Variants in COL14A1 observed in about 807,000 individuals in gnomAD.
COL14A1 encodes the protein collagen alpha-1(XIV) chain.
In COL14A1, 136 loss-of-function variants were observed where a neutral mutation model predicts 230.3. That is an observed-to-expected ratio of 0.59 (90% CI 0.51 to 0.68). The LOEUF is 0.68. Ranked by LOEUF, COL14A1 falls within the 30% of genes least tolerant of loss-of-function variation. COL14A1 has a pLI of 0.00. For synonymous variants in COL14A1, 792 were observed against 784.1 expected, an observed-to-expected ratio of 1.01 and a Z score of -0.17; for missense variants, 1,976 against 2,215.8, an observed-to-expected ratio of 0.89 and a Z score of 2.17.
chr8:120,229,129 A>G (rs1818186167), intron 18 of COL14A1, among the ~76,000 whole-genome samples: 1 of 140,250 alleles, frequency 7.1e-6, no homozygotes, highest in Non-Finnish European at 1.5e-5. Context: ...TTATTATTAT[A>G]CTTTAAGTTT....
At chr8:120,329,135 TA>T (rs1821785268) in intron 40 of COL14A1, among the ~76,000 whole-genome samples, 1 of 152,212 alleles carries the variant, frequency 6.6e-6, no homozygotes, top group Non-Finnish European at 1.5e-5. Context: ...ATTATAAACT[TA>T]TAAACTTATT....
intron 2 of COL14A1, among the ~76,000 whole-genome samples, chr8:120,153,515 G>A (rs1419708161): frequency 6.6e-6 from 1 of 152,104 alleles, no homozygotes; most frequent in African/African-American, 2.4e-5. Flanking sequence ...TTTGTTTTTA[G>A]ATTACTTGGA....
chr8:120,238,815 G>A (rs891884996), intron 19 of COL14A1, among the ~76,000 whole-genome samples: 1 of 152,156 alleles, frequency 6.6e-6, no homozygotes, highest in Non-Finnish European at 1.5e-5. Flanking sequence ...GGATAGCTCT[G>A]TCCCTCATGG....
chr8:120,244,154 TAC>T, intron 20 of COL14A1, 146 bp downstream of exon 20: 1 of 930,396 alleles, frequency 1.1e-6, no homozygotes. Flanking sequence ...ATCCTGTCTT[TAC>T]ACACACAAGC....
intron 13 of COL14A1, among the ~76,000 whole-genome samples, chr8:120,214,828 G>T (rs910645607): frequency 6.6e-6 from 1 of 152,102 alleles, no homozygotes; most frequent in Non-Finnish European, 1.5e-5. Flanking sequence ...AAGAGCTGTT[G>T]CACGTAAGAT....
At chr8:120,226,448 A>C (rs1818097181) in intron 15 of COL14A1, among the ~76,000 whole-genome samples, 179 bp from the exon 16 acceptor site, 1 of 152,170 alleles carries the variant, frequency 6.6e-6, no homozygotes, top group Non-Finnish European at 1.5e-5. Context: ...ATATTGGTGA[A>C]TGCTGGAAAC....
chr8:120,213,344 T>G (rs929962061), intron 13 of COL14A1, among the ~76,000 whole-genome samples: 1 of 152,154 alleles, frequency 6.6e-6, no homozygotes, highest in Non-Finnish European at 1.5e-5. Context: ...GCAGGGAGAC[T>G]TGGGGTCTTG....
chr8:120,285,538 G>A (rs985684581), intron 32 of COL14A1, among the ~76,000 whole-genome samples: 1 of 151,076 alleles, frequency 6.6e-6, no homozygotes, highest in Non-Finnish European at 1.5e-5. Context: ...ACTTAAAGCA[G>A]CTGTGTCTGC....
At chr8:120,281,274 A>C (rs1304419820) in intron 31 of COL14A1, among the ~76,000 whole-genome samples, 1 of 152,090 alleles carries the variant, frequency 6.6e-6, no homozygotes, top group African/African-American at 2.4e-5. Context: ...AACATATAAA[A>C]ATGATTGCTG....
chr8:120,127,989 G>A (rs1814398903), intron 1 of COL14A1, among the ~76,000 whole-genome samples: 1 of 152,182 alleles, frequency 6.6e-6, no homozygotes, highest in Non-Finnish European at 1.5e-5. Context: ...TCCCCCCAGG[G>A]AACTGACAGT....
At chr8:120,311,612 A>G (rs1821039556) in intron 37 of COL14A1, among the ~76,000 whole-genome samples, 1 of 152,148 alleles carries the variant, frequency 6.6e-6, no homozygotes. Flanking sequence ...AGGAATAGAT[A>G]CCTTGCATAC....
At chr8:120,229,318 G>T (rs1293590857) in intron 18 of COL14A1, among the ~76,000 whole-genome samples, 3 of 131,516 alleles carry the variant, frequency 2.3e-5, no homozygotes, top group Non-Finnish European at 4.6e-5. Flanking sequence ...GTGTCCATGT[G>T]TTCTCATCGT....
intron 14 of COL14A1, among the ~76,000 whole-genome samples, chr8:120,223,840 A>T (rs1258929500): frequency 6.6e-6 from 1 of 151,994 alleles, no homozygotes; most frequent in Non-Finnish European, 1.5e-5. Flanking sequence ...CATTATTATA[A>T]GTCCTTGTGA....
At chr8:120,360,311 C>T (rs968054361) in intron 45 of COL14A1, among the ~76,000 whole-genome samples, 6 of 152,092 alleles carry the variant, frequency 3.9e-5, no homozygotes, top group Non-Finnish European at 5.9e-5. Context: ...ATATGAAGTC[C>T]GAACATAAAA....
chr8:120,357,818 A>T (rs1823038508), intron 45 of COL14A1, among the ~76,000 whole-genome samples: 1 of 152,158 alleles, frequency 6.6e-6, no homozygotes, highest in East Asian at 1.9e-4. Flanking sequence ...CAAATGTCAG[A>T]TGTAGGTTTT....
chr8:120,174,793 A>C (rs959048668), intron 5 of COL14A1, among the ~76,000 whole-genome samples: 13 of 152,144 alleles, frequency 8.5e-5, no homozygotes, highest in African/African-American at 3.1e-4. Flanking sequence ...GTTATGTGAG[A>C]GAATTGTCTT....
intron 2 of COL14A1, among the ~76,000 whole-genome samples, chr8:120,153,492 A>T (rs1052338149): frequency 6.6e-6 from 1 of 152,176 alleles, no homozygotes; most frequent in Non-Finnish European, 1.5e-5. Context: ...GCCAATAATC[A>T]AAAAAGAATT....
At chr8:120,205,647 A>G (rs115108697) in intron 9 of COL14A1, among the ~76,000 whole-genome samples, 3,013 of 152,044 alleles carry the variant, frequency 0.02, 71 homozygotes, top group Middle Eastern at 0.13. Flanking sequence ...CCCTTTCCCC[A>G]GGCTAGATCT....
chr8:120,161,550 C>G (rs1471178744), intron 3 of COL14A1, among the ~76,000 whole-genome samples: 3 of 152,158 alleles, frequency 2.0e-5, no homozygotes, highest in Non-Finnish European at 4.4e-5. Context: ...CATTTGTGGT[C>G]AGATTTAAGA....
Sources: allele counts gnomAD v4.1 joint callset (sites outside exome capture counted in the v4.1 genomes callset), GRCh38; gene constraint gnomAD v4.1.1; transcripts MANE v1.5; gene names NCBI Gene and HGNC (gene_info 2026-07-23, HGNC 2026-07-21).